Variants in ZNF704 observed in about 807,000 individuals in gnomAD.
ZNF704 encodes the protein zinc finger protein 704, also known as glucocorticoid induced gene 1.
A neutral mutation model predicts 44.7 loss-of-function variants in ZNF704; 10 were observed. That is an observed-to-expected ratio of 0.22 (90% CI 0.14 to 0.38). ZNF704 has a LOEUF of 0.38. Among genes scored for constraint, ZNF704 ranks in the 10% least tolerant of loss-of-function variants. The probability of loss-of-function intolerance (pLI) is 1.00; values close to 1 mark genes in which losing one functional copy is unlikely to be tolerated. For synonymous variants in ZNF704, 211 were observed against 207.6 expected (o/e 1.02, Z -0.14); for missense variants, 390 against 545.5 (o/e 0.71, Z 2.84).
intron 2 of ZNF704, among the ~76,000 whole-genome samples, chr8:80,779,067 AAT>A (rs1474894088): frequency 4.0e-5 from 6 of 151,792 alleles, no homozygotes. Context: ...AACATCTTTC[AAT>A]ATATGTCTTC....
chr8:80,755,880 A>T (rs1807026084), intron 2 of ZNF704, among the ~76,000 whole-genome samples: 1 of 152,084 alleles, frequency 6.6e-6, no homozygotes, highest in South Asian at 2.1e-4. Context: ...CCACGGAGGG[A>T]GGATCACTTG....
intron 1 of ZNF704, among the ~76,000 whole-genome samples, chr8:80,862,424 G>A (rs1037707928): frequency 1.3e-5 from 2 of 151,828 alleles, no homozygotes; most frequent in African/African-American, 4.8e-5. Flanking sequence ...TTTGAATGGA[G>A]ATCTCTTTTA....
rs750108007 is a variant in ZNF704 at position 80,820,912 on chromosome 8, GA to G, written c.221+461del. Among the ~76,000 whole-genome samples, 142 of 139,576 alleles carry G rather than the reference GA, an allele frequency of 1.0e-3. 1 individual carries two copies. The highest frequency in any genetic ancestry group is 9.1e-4 in the South Asian group (4 of 4,376). The allele number at this position is 139,576 out of a possible 152,430, so 91.6% of individuals were successfully genotyped here. The stretch of plus-strand genomic sequence containing the variant: ...CAGAACCAGACCCTATCTCTATTTG[GA>G]AAAAAAAAAAAAGTAAAACCATTCT... On this transcript the variant is annotated intron_variant, in intron 2 of 8. Coordinates refer to ENST00000327835, the MANE Select transcript of ZNF704 (RefSeq NM_001033723.3).
At chr8:80,751,725 C>T (rs751337617) in intron 2 of ZNF704, among the ~76,000 whole-genome samples, 1 of 152,156 alleles carries the variant, frequency 6.6e-6, no homozygotes, top group Non-Finnish European at 1.5e-5. Context: ...AGTGGCATGA[C>T]TTGAAGTCAG....
chr8:80,641,569 GA>G (rs60295176), intron 8 of ZNF704, 92 bp from the exon 9 acceptor site: 78,228 of 358,382 alleles, frequency 0.22, 2,297 homozygotes, highest in African/African-American at 0.34. Context: ...AGTGAGGGAG[GA>G]AAAAAAAAAA....
At chr8:80,659,235 TATAATG>T (rs1351285340) in intron 7 of ZNF704, among the ~76,000 whole-genome samples, 1 of 152,240 alleles carries the variant, frequency 6.6e-6, no homozygotes, top group Non-Finnish European at 1.5e-5. Flanking sequence ...TATAGTTACT[TATAATG>T]ATAAACACCA....
chr8:80,763,465 C>T (rs556538178), intron 2 of ZNF704, among the ~76,000 whole-genome samples: 1 of 152,326 alleles, frequency 6.6e-6, no homozygotes, highest in Non-Finnish European at 1.5e-5. Flanking sequence ...AAACCATGGC[C>T]TGTGGTGTAC....
At chr8:80,783,732 A>G (rs759475879) in intron 2 of ZNF704, among the ~76,000 whole-genome samples, 17 of 152,162 alleles carry the variant, frequency 1.1e-4, no homozygotes, top group Admixed American at 6.5e-4. Context: ...ATGAACCTAC[A>G]CTGAGACATT....
At chr8:80,755,860 C>T (rs547287813) in intron 2 of ZNF704, among the ~76,000 whole-genome samples, 2 of 152,154 alleles carry the variant, frequency 1.3e-5, no homozygotes, top group Non-Finnish European at 2.9e-5. Context: ...AATTCCAGCA[C>T]TTTGGGAGGC....
intron 2 of ZNF704, among the ~76,000 whole-genome samples, chr8:80,719,784 A>G (rs1819133892): frequency 6.6e-6 from 1 of 152,220 alleles, no homozygotes; most frequent in Admixed American, 6.5e-5. Flanking sequence ...TGGCAGAAGC[A>G]AGTTACTGAG....
intron 2 of ZNF704, among the ~76,000 whole-genome samples, chr8:80,757,394 T>A (rs1807054269): frequency 6.6e-6 from 1 of 152,142 alleles, no homozygotes; most frequent in South Asian, 2.1e-4. Context: ...AAGAAAATAT[T>A]TTGTGTAGCT....
chr8:80,737,060 C>T (rs1806679554), intron 2 of ZNF704, among the ~76,000 whole-genome samples: 1 of 151,968 alleles, frequency 6.6e-6, no homozygotes, highest in African/African-American at 2.4e-5. Flanking sequence ...AGTTTTTGAA[C>T]AATAACGCTA....
chr8:80,782,417 G>A (rs539375915), intron 2 of ZNF704, among the ~76,000 whole-genome samples: 2 of 152,328 alleles, frequency 1.3e-5, no homozygotes, highest in African/African-American at 4.8e-5. Context: ...AGGCCTCAGG[G>A]ATGTTTTTAA....
At chr8:80,825,276 C>T (rs191927180) in intron 1 of ZNF704, among the ~76,000 whole-genome samples, 33 of 152,210 alleles carry the variant, frequency 2.2e-4, no homozygotes, top group Non-Finnish European at 3.8e-4. Flanking sequence ...GGTTGCAATC[C>T]TAGTCTCTGA....
chr8:80,683,557 G>A (rs1287905556), intron 4 of ZNF704, among the ~76,000 whole-genome samples: 2 of 152,098 alleles, frequency 1.3e-5, no homozygotes, highest in African/African-American at 2.4e-5. Context: ...GGCCTCAAAC[G>A]TTTCCTCTGC....
rs916238738 is a variant in ZNF704, at chr8:80,636,644, A to G, written c.*4722T>C. 3 of 152,266 alleles carry G rather than the reference A, an allele frequency of 2.0e-5. No individual in the cohort carries two copies. Among genetic ancestry groups the G allele is most frequent in the African/African-American group, 7.2e-5 (3 of 41,470 alleles). 9.4% of individuals were successfully genotyped at this position (152,266 alleles called of 1,614,324 possible). ...GTGCCGCTGGTAGGGCTACTTTCTT[A>G]GAGAAATGAAATTTCCAGTTGACCC... On this transcript the variant is annotated 3_prime_UTR_variant, in exon 9 of 9. Transcript: ENST00000327835.
intron 2 of ZNF704, among the ~76,000 whole-genome samples, chr8:80,727,666 T>G (rs893297874): frequency 3.3e-5 from 5 of 152,118 alleles, no homozygotes; most frequent in Non-Finnish European, 5.9e-5. Context: ...CTGGCACAGC[T>G]GCAGCCTCAT....
intron 2 of ZNF704, among the ~76,000 whole-genome samples, chr8:80,793,100 T>C (rs1807739572): frequency 6.6e-6 from 1 of 152,210 alleles, no homozygotes; most frequent in Non-Finnish European, 1.5e-5. Flanking sequence ...AAATGGCACA[T>C]ATGTAGGGAC....
At chr8:80,709,442 CAAAAAAAAAAA>C (rs780264820) in intron 2 of ZNF704, among the ~76,000 whole-genome samples, 2 of 15,832 alleles carry the variant, frequency 1.3e-4, no homozygotes, top group East Asian at 4.6e-3. Flanking sequence ...GACTCCATCT[CAAAAAAAAAAA>C]AAAAAAAAAA....
Sources: gnomAD v4.1 joint callset for allele counts (sites outside exome capture counted in the v4.1 genomes callset) on GRCh38, gnomAD v4.1.1 for gene constraint, MANE v1.5 for transcripts, NCBI Gene and HGNC (gene_info 2026-07-23, HGNC 2026-07-21) for gene names.